NGDN: variants seen among roughly 807,000 people sequenced by gnomAD.
NGDN encodes EIF4E-binding protein.
Under a neutral mutation model 45.2 loss-of-function variants are expected in NGDN, and 41 were observed. The observed-to-expected ratio is 0.91, with a 90% CI of 0.71 to 1.18. The LOEUF (loss-of-function observed/expected upper bound fraction) is 1.18. NGDN is among the 50% of genes most tolerant of loss of function. The pLI is 0.00. For missense variants in NGDN, 402 were observed against 399.9 expected (o/e 1.01, Z -0.05); for synonymous variants, 137 against 130.9 (o/e 1.05, Z -0.32).
In NGDN at chr14:23,477,306, C is replaced by T. The variant is rs139812659; in HGVS notation, c.820C>T (p.His274Tyr). The T allele has an allele frequency of 2.9e-5, 47 of 1,614,226 alleles. No homozygotes were observed. In the African/African-American group the frequency reaches 4.9e-4, roughly 17 times the overall value. Residue 274 changes from histidine (H) to tyrosine (Y), a missense_variant, in exon 9 of 11, where the codon CAC becomes TAC. Physicochemically the swap from His to Tyr is moderately conservative, Grantham distance 83. Coordinates refer to ENST00000408901, the MANE Select transcript of NGDN (RefSeq NM_001042635.2). ...VMSSQLHSLT[H>Y]FSDISALTGG... ...GAGCTCACAACTTCATTCCCTTACA[C>T]ACTTCAGTGACATCAGTGCTTTGAC...
chr14:23,475,171 G>T lies in NGDN; in HGVS notation c.145G>T (p.Gly49Cys), dbSNP rs778764448. 1.9e-6 allele frequency: 3 copies of T among 1,611,032 alleles called. No homozygotes were observed. Among genetic ancestry groups the T allele is most frequent in the South Asian group, 1.1e-5 (1 of 90,474 alleles). ...VQAGAYPTEK[G>C]LSFLEVKDQL... is the part of the protein sequence containing the mutation. Reference sequence around the variant, plus strand: ...TTTCTTTCTGTTTTGTTCAACTCAGGGTCTCAGCTTCTTGGAAGTGAAAGA... The same window carrying T: ...TTTCTTTCTGTTTTGTTCAACTCAGTGTCTCAGCTTCTTGGAAGTGAAAGA... The change falls in exon 4 of 11, where the codon GGT (glycine) becomes TGT (cysteine). Residue 49 changes from glycine to cysteine, a missense_variant and splice_region_variant. Physicochemically the swap from Gly to Cys is radical, Grantham distance 159 (BLOSUM62 -3). Transcript: ENST00000408901.
Position 23,475,277 on chromosome 14 carries a change from A to G in NGDN, c.251A>G (p.Asp84Gly). 6.2e-7 allele frequency: 1 copy of G among 1,613,912 alleles called. No homozygotes were observed. Among genetic ancestry groups the G allele is most frequent in the Non-Finnish European group, 8.5e-7 (1 of 1,179,892 alleles). ...TCAGGAGGATCTCTTCAGGGACATG[A>G]TGCAGTTTTGAGACTGGTGGAGATT... ...KASGGSLQGH[D>G]AVLRLVEIRT... Residue 84 changes from aspartate to glycine, a missense_variant, in exon 4 of 11, where the codon GAT becomes GGT. Coordinates refer to ENST00000408901, the MANE Select transcript of NGDN (RefSeq NM_001042635.2).
At position 23,469,737 on chromosome 14, in the gene NGDN, G is replaced by C; in HGVS notation, c.12+10G>C. The C allele has an allele frequency of 1.9e-6, 3 of 1,614,192 alleles. No homozygotes were observed. Among genetic ancestry groups the C allele is most frequent in the Non-Finnish European group, 2.5e-6 (3 of 1,180,018 alleles). On this transcript the variant is annotated intron_variant, in intron 1 of 10. Transcript: ENST00000408901. ...GAAGATGGCGGCGCTGGTGAGTTTG[G>C]TGTGGTTTCTTCCTCGCGTAGCTAT...
Position 23,470,042 on chromosome 14 carries a change from G to A in NGDN, c.13G>A (p.Gly5Arg). Residue 5 changes from glycine (G) to arginine (R), a missense_variant and splice_region_variant, in exon 2 of 11, where the codon GGG becomes AGG. Transcript: ENST00000408901. ...TTTACGCCTCCTCTCCCTTCTGTAG[G>A]GGGTGCTGGAGTCCGACCTGCCAAG... MAALGVLESDLPSAV... is the reference protein window; with the variant it reads MAALRVLESDLPSAV... 2 of 1,613,932 alleles carry A rather than the reference G, an allele frequency of 1.2e-6. No homozygotes were observed. Among genetic ancestry groups the A allele is most frequent in the Non-Finnish European group, 1.7e-6 (2 of 1,179,894 alleles).
Position 23,476,042 on chromosome 14 carries a change from A to G in NGDN, c.434A>G (p.Asp145Gly), listed in dbSNP as rs1157633909. The change falls in exon 7 of 11, where the codon GAT (aspartate) becomes GGT (glycine). Residue 145 changes from aspartate to glycine, a missense_variant. Coordinates refer to ENST00000408901, the MANE Select transcript of NGDN (RefSeq NM_001042635.2). The stretch of plus-strand genomic sequence containing the variant: ...TTTCTTTTGTAGTTGAGCTCTGAGG[A>G]TGAGGAGGAAGATGAAGCAGAAGAT... Reference protein sequence around the residue: ...SNMMSKLSSEDEEEDEAEDDQ... With the variant: ...SNMMSKLSSEGEEEDEAEDDQ... 5 of 1,614,060 alleles carry G rather than the reference A, an allele frequency of 3.1e-6. No individual in the cohort carries two copies. In the Admixed American group the frequency reaches 6.7e-5, roughly 22 times the overall value.
rs912215339 is a variant in NGDN, at chr14:23,470,361, C to T, written c.72+260C>T. ...AGGAAACCAGTGCTTGGAATGGTAA[C>T]ATGACTTGCCCTTTGGGTGCCCAGG... On this transcript the variant is annotated intron_variant, in intron 2 of 10. Transcript: ENST00000408901. 18 of 462,684 alleles carry T rather than the reference C, an allele frequency of 3.9e-5. No homozygotes were observed. The South Asian group carries it at 4.4e-4, about 11-fold the overall frequency. The allele number at this position is 462,684 out of a possible 1,614,324, so 28.7% of individuals were successfully genotyped here.
intron 3 of NGDN, among the ~76,000 whole-genome samples, chr14:23,473,356 A>G: frequency 6.6e-6 from 1 of 152,222 alleles, no homozygotes; most frequent in East Asian, 1.9e-4. Flanking sequence ...AGTTGCCAGC[A>G]TCCTTCTTAG....
In NGDN at chr14:23,476,152, G is replaced by A. The variant is rs747590307; in HGVS notation, c.544G>A (p.Asp182Asn). The A allele has an allele frequency of 6.2e-7, 1 of 1,614,136 alleles. No homozygotes were observed. The highest frequency in any genetic ancestry group is 1.7e-5 in the Admixed American group (1 of 60,016). ...VPPRLVPVHY[D>N]ETEAEREKKR... ...TCCACGCTTGGTTCCAGTACATTAT[G>A]GTATAAACTTTGGCTGCTGCCTCCT... The change falls in exon 7 of 11, where the codon GAT (aspartate) becomes AAT (asparagine). Residue 182 changes from aspartate (D) to asparagine (N), a missense_variant and splice_region_variant. Physicochemically the swap from Asp to Asn is conservative, Grantham distance 23. Coordinates refer to ENST00000408901, the MANE Select transcript of NGDN (RefSeq NM_001042635.2).
chr14:23,469,980 C>T lies in NGDN; in HGVS notation c.13-62C>T, dbSNP rs1018096484. 12 of 1,561,958 alleles carry T rather than the reference C, an allele frequency of 7.7e-6. No homozygotes were observed. The African/African-American group carries it at 9.5e-5, about 12-fold the overall frequency. On this transcript the variant is annotated intron_variant, in intron 1 of 10. Coordinates refer to ENST00000408901, the MANE Select transcript of NGDN (RefSeq NM_001042635.2). ...AGGGCAGTTTCCCACCCTAGACGTT[C>T]CACTTTCCTATAATCCTGAGGAAAG...
At chr14:23,469,902 C>A in intron 1 of NGDN, 140 bp from the exon 2 acceptor site, 1 of 1,236,672 alleles carries the variant, frequency 8.1e-7, no homozygotes, top group African/African-American at 1.5e-5. Context: ...GGCTTTAAGG[C>A]GAGTCTGTGA....
intron 3 of NGDN, among the ~76,000 whole-genome samples, chr14:23,474,838 C>A (rs1361163418): frequency 6.6e-6 from 1 of 152,190 alleles, no homozygotes; most frequent in Non-Finnish European, 1.5e-5. Flanking sequence ...CTACAATGCC[C>A]AGGACAGCCC....
In NGDN at chr14:23,475,473, C is replaced by T. The variant is rs1338048749; in HGVS notation, c.283-85C>T. On this transcript the variant is annotated intron_variant, in intron 4 of 10. Coordinates refer to ENST00000408901, the MANE Select transcript of NGDN (RefSeq NM_001042635.2). Reference sequence around the variant, plus strand: ...TCTACTTTGTACATATTTTAGGTGCCTTATGTGGCACCTTAATATAGGGAC... The same window carrying T: ...TCTACTTTGTACATATTTTAGGTGCTTTATGTGGCACCTTAATATAGGGAC... The T allele has an allele frequency of 2.2e-5, 32 of 1,425,804 alleles. No homozygotes were observed. The Admixed American group carries it at 4.2e-4, about 19-fold the overall frequency. 88.3% of individuals were successfully genotyped at this position (1,425,804 alleles called of 1,614,324 possible). A position where few individuals can be genotyped will look rare whatever the true frequency, so the allele number is the denominator to read the frequency against.
chr14:23,477,659 G>A lies in NGDN; in HGVS notation c.928+99G>A. On this transcript the variant is annotated intron_variant, in intron 10 of 10. Coordinates refer to ENST00000408901, the MANE Select transcript of NGDN (RefSeq NM_001042635.2). ...ATTCTGGGTCTCACCAAGCCCTGTA[G>A]TATCTCTTCCATACTGGGCAATAAT... The A allele has an allele frequency of 5.7e-6, 9 of 1,577,706 alleles. No individual in the cohort carries two copies. In the South Asian group the frequency reaches 1.0e-4, roughly 18 times the overall value.
Position 23,476,259 on chromosome 14 carries a change from GAGA to G in NGDN, c.571_573del (p.Lys191del). 1 of 1,614,130 alleles carries G rather than the reference GAGA, an allele frequency of 6.2e-7. No individual in the cohort carries two copies. Among genetic ancestry groups the G allele is most frequent in the Non-Finnish European group, 8.5e-7 (1 of 1,180,012 alleles). ...TGTAGATGAAACAGAAGCTGAGCGG[GAGA>G]AGAAGCGTCTAGAACGAGCCAAGAG... On this transcript the variant is annotated inframe_deletion, in exon 8 of 11. Transcript: ENST00000408901.
At chr14:23,470,260 T>C (rs1595104264) in intron 2 of NGDN, 159 bp downstream of exon 2, 1 of 625,758 alleles carries the variant, frequency 1.6e-6, no homozygotes, top group East Asian at 2.8e-5. Flanking sequence ...TCTAAGTAAT[T>C]GATTCTGCAC....
chr14:23,475,337 T>C (rs1225620537), intron 4 of NGDN, 29 bp downstream of exon 4: 4 of 1,593,192 alleles, frequency 2.5e-6, no homozygotes, highest in Non-Finnish European at 3.4e-6. Flanking sequence ...CTTGGAGTTT[T>C]AGGTTTCTAA....
chr14:23,475,253 C>A lies in NGDN; in HGVS notation c.227C>A (p.Ser76Ter). Residue 76 changes from serine to a stop codon, truncating the protein, a stop_gained, in exon 4 of 11, where the codon TCA (serine) becomes TAA (stop). Transcript: ENST00000408901. LOFTEE classifies it high-confidence loss of function. Reference sequence around the variant, plus strand: ...ACCCACCTCATTCTGGACAAAGCCTCAGGAGGATCTCTTCAGGGACATGAT... The same window carrying A: ...ACCCACCTCATTCTGGACAAAGCCTAAGGAGGATCTCTTCAGGGACATGAT... ...DLTHLILDKA[S>*]GGSLQGHDAV... is the part of the protein sequence containing the mutation. 1 of 1,614,032 alleles carries A rather than the reference C, an allele frequency of 6.2e-7. No homozygotes were observed. The highest frequency in any genetic ancestry group is 1.3e-5 in the African/African-American group (1 of 75,054).
chr14:23,469,962 T>G, intron 1 of NGDN, 80 bp from the exon 2 acceptor site: 2 of 1,480,352 alleles, frequency 1.4e-6, no homozygotes, highest in Non-Finnish European at 1.9e-6. Flanking sequence ...GAGAGGGCAG[T>G]TTCCCACCCT....
At chr14:23,469,897 T>A in intron 1 of NGDN, 145 bp from the exon 2 acceptor site, 1 of 1,249,034 alleles carries the variant, frequency 8.0e-7, no homozygotes, top group Non-Finnish European at 1.1e-6. Context: ...GGGCTGGCTT[T>A]AAGGCGAGTC....
Sources: allele counts gnomAD v4.1 joint callset (sites outside exome capture counted in the v4.1 genomes callset), GRCh38; gene constraint gnomAD v4.1.1; transcripts MANE v1.5; gene names NCBI Gene and HGNC (gene_info 2026-07-23, HGNC 2026-07-21).